The following NLRP13 variants were observed in gnomAD, a reference collection of about 807,000 sequenced individuals.
NLRP13 encodes NACHT, LRR and PYD domains-containing protein 13.
A neutral mutation model predicts 94.4 loss-of-function variants in NLRP13; 82 were observed. The ratio of observed to expected loss-of-function variants is 0.87; its 90% CI spans 0.73 to 1.04. The LOEUF (loss-of-function observed/expected upper bound fraction) is 1.04, where lower values mean the gene tolerates loss of function less well. Among genes scored for constraint, NLRP13 ranks in the 50% least tolerant of loss-of-function variants. The pLI, the probability that NLRP13 is intolerant of heterozygous loss-of-function variation, is 0.00. For synonymous variants in NLRP13, 553 were observed against 464.7 expected, an observed-to-expected ratio of 1.19 and a Z score of -2.45; for missense variants, 1,426 against 1,230.8, an observed-to-expected ratio of 1.16 and a Z score of -2.37.
At chr19:55,917,417 A>T (rs1356945943) in intron 4 of NLRP13, among the ~76,000 whole-genome samples, 3 of 152,274 alleles carry the variant, frequency 2.0e-5, no homozygotes, top group East Asian at 3.9e-4. Context: ...ACTGGAAAAA[A>T]GGTCATATAT....
downstream of NLRP13, among the ~76,000 whole-genome samples, chr19:55,895,392 GAAAA>G (rs760027258): frequency 6.7e-6 from 1 of 149,850 alleles, no homozygotes; most frequent in African/African-American, 2.5e-5. Flanking sequence ...AAAAAGAAAA[GAAAA>G]AACAGTCCGG....
chr19:55,898,925 A>G lies in NLRP13; in HGVS notation c.2802T>C (p.Cys934=), dbSNP rs1228171665. The G allele has an allele frequency of 6.2e-6, 10 of 1,605,414 alleles. No individual in the cohort carries two copies. The highest frequency in any genetic ancestry group is 1.3e-5 in the African/African-American group (1 of 74,398). ...GNLQSLNLSG[C]SFTREGCGEL... Reference sequence around the variant, plus strand: ...CTCCACAGCCCTCTCTTGTGAAAGAACAACCTGACAAACTGCAAAATAAAA... The same window carrying G: ...CTCCACAGCCCTCTCTTGTGAAAGAGCAACCTGACAAACTGCAAAATAAAA... The change falls in exon 10 of 11, where the codon TGT becomes TGC. Residue 934 remains cysteine (C), a synonymous_variant. Coordinates refer to ENST00000342929, the MANE Select transcript of NLRP13 (RefSeq NM_176810.2).
chr19:55,902,242 A>G, intron 8 of NLRP13, 37 bp from the exon 9 acceptor site: 3 of 1,601,926 alleles, frequency 1.9e-6, no homozygotes, highest in Non-Finnish European at 2.6e-6. Context: ...ACACTCAGGG[A>G]AGCAGCCCAG....
intron 10 of NLRP13, among the ~76,000 whole-genome samples, chr19:55,898,486 A>G (rs571658419): frequency 1.5e-4 from 23 of 151,710 alleles, no homozygotes; most frequent in African/African-American, 5.3e-4. Context: ...CTGGGATTAC[A>G]GGTGTGAGCC....
intron 10 of NLRP13, among the ~76,000 whole-genome samples, chr19:55,897,157 G>T (rs1986039810): frequency 6.6e-6 from 1 of 152,092 alleles, no homozygotes; most frequent in African/African-American, 2.4e-5. Context: ...GAAACACAAA[G>T]ACAAAAGTGA....
rs916665003 is a variant in NLRP13, at chr19:55,896,198, G to GA, written c.2958-80dup. The stretch of plus-strand genomic sequence containing the variant: ...TAGAAAAGAGATACCACATCTGCAG[G>GA]AAAAAAACTATTACTAAAGCAGACT... On this transcript the variant is annotated intron_variant, in intron 10 of 10. Transcript: ENST00000342929. The GA allele has an allele frequency of 4.8e-4, 715 of 1,482,668 alleles. 1 individual carries two copies. Among genetic ancestry groups the GA allele is most frequent in the Non-Finnish European group, 6.0e-4 (656 of 1,085,724 alleles). The allele number at this position is 1,482,668 out of a possible 1,614,324, so 91.8% of individuals were successfully genotyped here.
At position 55,912,017 on chromosome 19, in the gene NLRP13, C is replaced by T. The variant is rs758824336; in HGVS notation, c.1800G>A (p.Leu600=). 6.2e-7 allele frequency: 1 copy of T among 1,614,130 alleles called. No individual in the cohort carries two copies. Among genetic ancestry groups the T allele is most frequent in the Non-Finnish European group, 8.5e-7 (1 of 1,179,984 alleles). ...GLLNKNIARE[L]EDTLHCKISP... is the part of the protein sequence containing the mutation. Reference sequence around the variant, plus strand: ...ATATTTTACAATGCAAAGTATCTTCCAGTTCTCTTGCTATGTTTTTATTTA... The same window carrying T: ...ATATTTTACAATGCAAAGTATCTTCTAGTTCTCTTGCTATGTTTTTATTTA... The change falls in exon 5 of 11, where the codon CTG becomes CTA. Residue 600 remains leucine, a synonymous_variant. Coordinates refer to ENST00000342929, the MANE Select transcript of NLRP13 (RefSeq NM_176810.2).
At chr19:55,895,940 G>C, downstream of NLRP13, 1 of 1,613,342 alleles carries the variant, frequency 6.2e-7, no homozygotes, top group Non-Finnish European at 8.5e-7. Context: ...AAAAGTCAGT[G>C]AGGTTTACCC....
At chr19:55,898,517 G>GT (rs940098678) in intron 10 of NLRP13, among the ~76,000 whole-genome samples, 94 of 151,870 alleles carry the variant, frequency 6.2e-4, no homozygotes, top group African/African-American at 2.2e-3. Context: ...GCTAATTTTT[G>GT]TATTTTTAGT....
At chr19:55,913,342 T>C in intron 4 of NLRP13, 49 bp from the exon 5 acceptor site, 1 of 1,549,172 alleles carries the variant, frequency 6.5e-7, no homozygotes, top group Non-Finnish European at 8.7e-7. Context: ...AATTTCAGAG[T>C]TAGGAATGAT....
At chr19:55,921,055 C>A (rs957765236) in intron 4 of NLRP13, among the ~76,000 whole-genome samples, 15 of 152,034 alleles carry the variant, frequency 9.9e-5, no homozygotes, top group African/African-American at 3.4e-4. Context: ...TAAGTTGGAA[C>A]TAAATCATGT....
chr19:55,903,483 A>G (rs907247849), intron 8 of NLRP13, among the ~76,000 whole-genome samples: 5 of 152,074 alleles, frequency 3.3e-5, no homozygotes, highest in African/African-American at 1.2e-4. Flanking sequence ...GACCTAAAGA[A>G]TCTCTTTGTG....
At chr19:55,904,346 C>A (rs1230779958) in intron 8 of NLRP13, among the ~76,000 whole-genome samples, 1 of 152,164 alleles carries the variant, frequency 6.6e-6, no homozygotes, top group Admixed American at 6.5e-5. Flanking sequence ...CCTCAGCCTC[C>A]CAAAGTGCTG....
chr19:55,927,139 G>A (rs777363971), intron 1 of NLRP13, among the ~76,000 whole-genome samples: 9 of 152,086 alleles, frequency 5.9e-5, no homozygotes, highest in Non-Finnish European at 1.5e-5. Context: ...GGGAGGCTGA[G>A]GCAGGCAGAT....
intron 8 of NLRP13, among the ~76,000 whole-genome samples, chr19:55,903,797 C>T (rs1986258444): frequency 1.3e-5 from 2 of 152,124 alleles, no homozygotes; most frequent in Non-Finnish European, 1.5e-5. Context: ...TCCTGAAATC[C>T]TATAACCTCC....
In NLRP13 at chr19:55,905,868, G is replaced by T. The variant is rs571834780; in HGVS notation, c.2448-756C>A. On this transcript the variant is annotated intron_variant, in intron 7 of 10. Coordinates refer to ENST00000342929, the MANE Select transcript of NLRP13 (RefSeq NM_176810.2). ...AGGCATTGCCAAATGTCCCCTGGGG[G>T]ACAAAAATCAAATCATCCCCAGTTT... Among the ~76,000 whole-genome samples, 4 of 152,228 alleles carry T rather than the reference G, an allele frequency of 2.6e-5. No homozygotes were observed. In the East Asian group the frequency reaches 7.7e-4, roughly 29 times the overall value.
chr19:55,904,594 T>C (rs568429908), intron 8 of NLRP13, among the ~76,000 whole-genome samples: 4 of 152,206 alleles, frequency 2.6e-5, no homozygotes, highest in Non-Finnish European at 5.9e-5. Context: ...ATGTCACTCA[T>C]AAAACTATAC....
Position 55,912,931 on chromosome 19 carries a change from T to C in NLRP13, c.886A>G (p.Ile296Val), listed in dbSNP as rs1302324719. The C allele has an allele frequency of 1.2e-6, 2 of 1,614,066 alleles. No homozygotes were observed. Among genetic ancestry groups the C allele is most frequent in the East Asian group, 4.5e-5 (2 of 44,872 alleles). ...SLDWPDFDAPIEEFMSQPEKL... is the reference protein window; with the variant it reads ...SLDWPDFDAPVEEFMSQPEKL... ...TCTGGTTGAGACATGAACTCTTCAATGGGGGCATCAAAATCGGGCCAATCC... is the reference window on the plus strand; with the variant it reads ...TCTGGTTGAGACATGAACTCTTCAACGGGGGCATCAAAATCGGGCCAATCC... Residue 296 changes from isoleucine to valine, a missense_variant, in exon 5 of 11, where the codon ATT becomes GTT. Transcript: ENST00000342929.
chr19:55,916,466 A>G (rs1471629922), intron 4 of NLRP13, among the ~76,000 whole-genome samples: 1 of 152,214 alleles, frequency 6.6e-6, no homozygotes, highest in Non-Finnish European at 1.5e-5. Flanking sequence ...ACCTGTACAA[A>G]GAAATCAGAA....
Sources: allele counts gnomAD v4.1 joint callset (sites outside exome capture counted in the v4.1 genomes callset), GRCh38; gene constraint gnomAD v4.1.1; transcripts MANE v1.5; gene names NCBI Gene and HGNC (gene_info 2026-07-23, HGNC 2026-07-21).